FMN1: variants seen among roughly 807,000 people sequenced by gnomAD.
FMN1 encodes the protein formin-1.
In FMN1, 110 loss-of-function variants were observed where a neutral mutation model predicts 132.4. The ratio of observed to expected loss-of-function variants is 0.83; its 90% CI spans 0.71 to 0.97. The LOEUF (loss-of-function observed/expected upper bound fraction) is 0.97. FMN1 is among the 50% of genes least tolerant of loss of function. The probability of loss-of-function intolerance (pLI) is 0.00; values close to 1 mark genes in which losing one functional copy is unlikely to be tolerated. For synonymous variants in FMN1, 722 were observed against 651.7 expected (o/e 1.11, Z -1.64); for missense variants, 1,792 against 1,705.3 (o/e 1.05, Z -0.90).
At chr15:32,921,436 G>A (rs569029457) in intron 10 of FMN1, among the ~76,000 whole-genome samples, 1 of 152,248 alleles carries the variant, frequency 6.6e-6, no homozygotes, top group African/African-American at 2.4e-5. Flanking sequence ...GGCCAAGCAT[G>A]GAAAACATTA....
intron 9 of FMN1, among the ~76,000 whole-genome samples, chr15:32,958,097 C>G (rs1204677850): frequency 6.6e-6 from 1 of 152,082 alleles, no homozygotes; most frequent in Non-Finnish European, 1.5e-5. Context: ...TCTATATATG[C>G]CTTTTGCTGG....
chr15:33,109,753 G>T (rs971224910), intron 4 of FMN1, among the ~76,000 whole-genome samples: 3 of 151,578 alleles, frequency 2.0e-5, no homozygotes, highest in African/African-American at 7.3e-5. Flanking sequence ...ATACCTGGGT[G>T]ATGAAATAAT....
At chr15:33,071,374 C>T (rs1289943941) in intron 5 of FMN1, among the ~76,000 whole-genome samples, 4 of 152,200 alleles carry the variant, frequency 2.6e-5, no homozygotes, top group Admixed American at 2.6e-4. Flanking sequence ...TTCCAGTTTG[C>T]CCCTACCATT....
rs1451061297 is a variant in FMN1, at chr15:32,768,433, TCTTG to T, written c.*5873_*5876del. The T allele has an allele frequency of 1.3e-5, 2 of 152,218 alleles. No homozygotes were observed. Among genetic ancestry groups the T allele is most frequent in the Non-Finnish European group, 2.9e-5 (2 of 68,042 alleles). The allele number at this position is 152,218 out of a possible 1,614,324, so 9.4% of individuals were successfully genotyped here. A position where few individuals can be genotyped will look rare whatever the true frequency, so the allele number is the denominator to read the frequency against. On this transcript the variant is annotated 3_prime_UTR_variant, in exon 21 of 21. Transcript: ENST00000616417. ...ATGTGTGCCTGAAATCTGATTTCCT[TCTTG>T]ATGTATTAAGATAATGCATTGGCAG...
At chr15:32,913,923 A>G (rs1044266017) in intron 10 of FMN1, among the ~76,000 whole-genome samples, 3 of 152,170 alleles carry the variant, frequency 2.0e-5, no homozygotes, top group Non-Finnish European at 4.4e-5. Flanking sequence ...TAGGGTCTTA[A>G]AAAGAAACCA....
At chr15:32,794,750 A>G (rs28504358) in intron 19 of FMN1, among the ~76,000 whole-genome samples, 31 of 152,250 alleles carry the variant, frequency 2.0e-4, no homozygotes, top group Admixed American at 9.2e-4. Context: ...TACAAATACA[A>G]AAGTGCATTA....
rs529436630 is a variant in FMN1 at position 33,099,784 on chromosome 15, C to G, written c.1868-10810G>C. On this transcript the variant is annotated intron_variant, in intron 4 of 20. Coordinates refer to ENST00000616417, the MANE Select transcript of FMN1 (RefSeq NM_001277313.2). ...CTCTAAAAGTCATCTAGTTTTCTCA[C>G]TAAACAAAAAGGAATTTAAGTGGGA... Among the ~76,000 whole-genome samples the G allele has an allele frequency of 2.6e-5, 4 of 152,240 alleles. No individual in the cohort carries two copies. The South Asian group carries it at 8.3e-4, about 32-fold the overall frequency.
intron 4 of FMN1, among the ~76,000 whole-genome samples, chr15:33,108,907 T>A (rs535377824): frequency 9.2e-5 from 14 of 152,120 alleles, no homozygotes; most frequent in Admixed American, 8.5e-4. Context: ...CCTACAATAT[T>A]GATTACCACT....
At chr15:32,851,615 C>T (rs921288270) in intron 17 of FMN1, among the ~76,000 whole-genome samples, 1 of 152,102 alleles carries the variant, frequency 6.6e-6, no homozygotes, top group Non-Finnish European at 1.5e-5. Context: ...TTTGCAACCC[C>T]GCCAAGTGGT....
intron 7 of FMN1, among the ~76,000 whole-genome samples, chr15:32,990,116 CT>C (rs2033342979): frequency 6.6e-6 from 1 of 152,100 alleles, no homozygotes; most frequent in African/African-American, 2.4e-5. Context: ...TCCACAAAAA[CT>C]TATCTGTAAC....
intron 17 of FMN1, among the ~76,000 whole-genome samples, chr15:32,833,875 T>A (rs956809653): frequency 6.6e-6 from 1 of 152,222 alleles, no homozygotes; most frequent in African/African-American, 2.4e-5. Context: ...CATTTAAATA[T>A]GAATTTGCTG....
intron 17 of FMN1, among the ~76,000 whole-genome samples, chr15:32,844,774 G>C (rs2058820767): frequency 6.6e-6 from 1 of 152,224 alleles, no homozygotes; most frequent in Non-Finnish European, 1.5e-5. Context: ...CATTGGGTAA[G>C]TAAAATTTCT....
chr15:33,073,976 C>A (rs557696062), intron 5 of FMN1, among the ~76,000 whole-genome samples: 76 of 152,246 alleles, frequency 5.0e-4, no homozygotes, highest in African/African-American at 1.8e-3. Flanking sequence ...AGTAATCTGC[C>A]CACCTCGGCC....
chr15:32,777,722 T>A (rs1050316227), intron 19 of FMN1, among the ~76,000 whole-genome samples: 3 of 141,706 alleles, frequency 2.1e-5, no homozygotes, highest in Admixed American at 1.4e-4. Flanking sequence ...ATATATTACG[T>A]ATAATATATA....
intron 9 of FMN1, among the ~76,000 whole-genome samples, chr15:32,929,848 T>C (rs2061061217): frequency 6.6e-6 from 1 of 152,054 alleles, no homozygotes; most frequent in African/African-American, 2.4e-5. Flanking sequence ...CAATGGACAT[T>C]TAGGTTGTCT....
At position 33,065,084 on chromosome 15, in the gene FMN1, G is replaced by C. The variant is rs1475165652; in HGVS notation, c.2044-10C>G. 1 of 1,584,578 alleles carries C rather than the reference G, an allele frequency of 6.3e-7. No homozygotes were observed. Among genetic ancestry groups the C allele is most frequent in the Non-Finnish European group, 8.6e-7 (1 of 1,158,434 alleles). ...TCAGGCTGTGGTCAGGCTGTTGAAA[G>C]AGCAGGCAAATAGTAAGTGGAATGT... On this transcript the variant is annotated splice_polypyrimidine_tract_variant and intron_variant, in intron 5 of 20. Coordinates refer to ENST00000616417, the MANE Select transcript of FMN1 (RefSeq NM_001277313.2).
chr15:33,020,246 T>A (rs780769276), intron 6 of FMN1, among the ~76,000 whole-genome samples: 1 of 152,144 alleles, frequency 6.6e-6, no homozygotes, highest in Non-Finnish European at 1.5e-5. Context: ...TATCGCCAGG[T>A]AAACAGTGTC....
chr15:32,804,799 T>C (rs935068249), intron 17 of FMN1, among the ~76,000 whole-genome samples: 2 of 152,088 alleles, frequency 1.3e-5, no homozygotes, highest in South Asian at 2.1e-4. Context: ...CTGAGAATGA[T>C]AGTTTCTGGC....
intron 4 of FMN1, among the ~76,000 whole-genome samples, chr15:33,111,352 T>C (rs1269428332): frequency 2.1e-4 from 32 of 152,114 alleles, no homozygotes; most frequent in Non-Finnish European, 1.2e-4. Context: ...TGTGAAGAAG[T>C]TGGGACTCTC....
Sources: gnomAD v4.1 joint callset for allele counts (sites outside exome capture counted in the v4.1 genomes callset) on GRCh38, gnomAD v4.1.1 for gene constraint, MANE v1.5 for transcripts, NCBI Gene and HGNC (gene_info 2026-07-23, HGNC 2026-07-21) for gene names.